Variants in CCSER1 observed in about 807,000 individuals in gnomAD.
The protein encoded by CCSER1 is serine-rich coiled-coil domain-containing protein 1.
In CCSER1, 41 loss-of-function variants were observed where a neutral mutation model predicts 82.0. That is an observed-to-expected ratio of 0.50 (90% CI 0.39 to 0.65). CCSER1 has a LOEUF of 0.65. CCSER1 is among the 30% of genes least tolerant of loss of function. CCSER1 has a pLI of 0.00. For missense variants in CCSER1, 1,119 were observed against 1,064.2 expected, an observed-to-expected ratio of 1.05 and a Z score of -0.72; for synonymous variants, 414 against 383.9, an observed-to-expected ratio of 1.08 and a Z score of -0.92.
intron 4 of CCSER1, among the ~76,000 whole-genome samples, chr4:90,464,224 C>G (rs981889120): frequency 1.3e-5 from 2 of 152,214 alleles, no homozygotes; most frequent in African/African-American, 4.8e-5. Context: ...ACTGAGTGGT[C>G]CCTGGAAGGC....
intron 10 of CCSER1, among the ~76,000 whole-genome samples, chr4:91,366,616 A>G (rs1749631459): frequency 6.6e-6 from 1 of 152,126 alleles, no homozygotes; most frequent in African/African-American, 2.4e-5. Context: ...CTGATTCTTG[A>G]CCTTTTGAGT....
intron 10 of CCSER1, among the ~76,000 whole-genome samples, chr4:91,094,752 G>A (rs1471335095): frequency 1.3e-5 from 2 of 152,096 alleles, no homozygotes; most frequent in African/African-American, 4.8e-5. Context: ...CGCTTAGCTA[G>A]AGCCGGTTTT....
At chr4:91,378,207 G>T (rs1411860815) in intron 10 of CCSER1, among the ~76,000 whole-genome samples, 2 of 152,064 alleles carry the variant, frequency 1.3e-5, no homozygotes, top group African/African-American at 4.8e-5. Flanking sequence ...TTGTTCTTTT[G>T]GCTTAGGATT....
intron 8 of CCSER1, among the ~76,000 whole-genome samples, chr4:90,890,136 A>G (rs1334625404): frequency 6.6e-6 from 1 of 152,190 alleles, no homozygotes; most frequent in Admixed American, 6.6e-5. Context: ...AAAAACAGTG[A>G]TTATAAGAAA....
chr4:90,476,149 T>C (rs955477819), intron 5 of CCSER1, among the ~76,000 whole-genome samples: 2 of 152,104 alleles, frequency 1.3e-5, no homozygotes, highest in African/African-American at 4.8e-5. Context: ...TACCATCGCC[T>C]TTAGATCTGG....
intron 4 of CCSER1, among the ~76,000 whole-genome samples, chr4:90,415,877 T>G (rs1263758910): frequency 6.6e-6 from 1 of 152,232 alleles, no homozygotes; most frequent in East Asian, 1.9e-4. Flanking sequence ...GTTACCCATT[T>G]GGAGTATATT....
intron 10 of CCSER1, among the ~76,000 whole-genome samples, chr4:91,280,785 G>C (rs1327006623): frequency 1.3e-5 from 2 of 152,278 alleles, no homozygotes; most frequent in East Asian, 3.9e-4. Context: ...TCACACTTGG[G>C]CTCTGACAGC....
At chr4:91,598,118 A>T (rs1434418400) in intron 10 of CCSER1, among the ~76,000 whole-genome samples, 2 of 152,180 alleles carry the variant, frequency 1.3e-5, no homozygotes, top group African/African-American at 4.8e-5. Context: ...TGGTGATACA[A>T]ATCATGATAC....
intron 10 of CCSER1, among the ~76,000 whole-genome samples, chr4:91,293,219 TTG>T (rs1245953272): frequency 2.0e-5 from 3 of 151,964 alleles, no homozygotes; most frequent in Non-Finnish European, 2.9e-5. Context: ...ACTACAACCC[TTG>T]TTGTACCGGC....
intron 3 of CCSER1, among the ~76,000 whole-genome samples, chr4:90,382,019 A>G (rs1749281814): frequency 6.6e-6 from 1 of 152,096 alleles, no homozygotes; most frequent in South Asian, 2.1e-4. Context: ...TAGATGCAGT[A>G]AAAACTGGTG....
At chr4:91,378,386 G>C (rs530107773) in intron 10 of CCSER1, among the ~76,000 whole-genome samples, 1 of 152,262 alleles carries the variant, frequency 6.6e-6, no homozygotes, top group South Asian at 2.1e-4. Flanking sequence ...CCATGAGCAT[G>C]GAATGTTCTT....
At chr4:90,318,422 C>G (rs748926515) in intron 3 of CCSER1, among the ~76,000 whole-genome samples, 1 of 152,160 alleles carries the variant, frequency 6.6e-6, no homozygotes, top group Non-Finnish European at 1.5e-5. Context: ...AGACAACTTT[C>G]ATTTATGGCC....
At chr4:90,650,758 C>A (rs1212043164) in intron 6 of CCSER1, among the ~76,000 whole-genome samples, 1 of 152,160 alleles carries the variant, frequency 6.6e-6, no homozygotes, top group Non-Finnish European at 1.5e-5. Context: ...CAGTTTTATG[C>A]TAAGCCAATG....
At chr4:91,230,345 G>A (rs947152683) in intron 10 of CCSER1, among the ~76,000 whole-genome samples, 16 of 152,046 alleles carry the variant, frequency 1.1e-4, no homozygotes, top group African/African-American at 3.9e-4. Flanking sequence ...AAAGTTGGAG[G>A]CAGCTCCTTC....
chr4:91,284,994 G>T (rs966892373), intron 10 of CCSER1, among the ~76,000 whole-genome samples: 4 of 151,878 alleles, frequency 2.6e-5, no homozygotes, highest in African/African-American at 9.7e-5. Context: ...TGAAAGTTTG[G>T]GTTCTTATGA....
At chr4:90,180,604 G>T (rs939418832) in intron 1 of CCSER1, among the ~76,000 whole-genome samples, 105 of 151,746 alleles carry the variant, frequency 6.9e-4, no homozygotes, top group Non-Finnish European at 5.9e-5. Flanking sequence ...AAAAAAATTT[G>T]TTTATCTCCT....
At chr4:90,475,063 C>A (rs573565758) in intron 5 of CCSER1, among the ~76,000 whole-genome samples, 54 of 152,210 alleles carry the variant, frequency 3.5e-4, no homozygotes, top group Middle Eastern at 3.4e-3. Flanking sequence ...CACACACACA[C>A]ACATAAATGC....
intron 10 of CCSER1, among the ~76,000 whole-genome samples, chr4:91,274,539 G>A (rs1742274170): frequency 6.6e-6 from 1 of 151,964 alleles, no homozygotes; most frequent in Admixed American, 6.6e-5. Flanking sequence ...ACCTCCATGA[G>A]ATTAATGTTT....
chr4:90,635,328 C>T (rs576872574), intron 6 of CCSER1, among the ~76,000 whole-genome samples: 10 of 151,556 alleles, frequency 6.6e-5, no homozygotes, highest in South Asian at 2.1e-4. Context: ...CAATAAGTCC[C>T]ATTAAATTTA....
Sources: gnomAD v4.1 joint callset for allele counts (sites outside exome capture counted in the v4.1 genomes callset) on GRCh38, gnomAD v4.1.1 for gene constraint, MANE v1.5 for transcripts, NCBI Gene and HGNC (gene_info 2026-07-23, HGNC 2026-07-21) for gene names.